Variants in GPR83 observed in about 807,000 individuals in gnomAD.
GPR83 encodes the protein G-protein coupled receptor 72.
Under a neutral mutation model 28.0 loss-of-function variants are expected in GPR83, and 23 were observed. The observed-to-expected ratio is 0.82, with a 90% confidence interval of 0.59 to 1.16. GPR83 has a LOEUF of 1.16. GPR83 is among the 50% of genes most tolerant of loss of function. The pLI is 0.00. For missense variants in GPR83, 610 were observed against 536.6 expected (o/e 1.14, Z -1.35); for synonymous variants, 234 against 215.4 (o/e 1.09, Z -0.76).
In GPR83 at chr11:94,393,465, T is replaced by C; in HGVS notation, c.647+20A>G. The C allele has an allele frequency of 6.2e-7, 1 of 1,613,256 alleles. No individual in the cohort carries two copies. Among genetic ancestry groups the C allele is most frequent in the Non-Finnish European group, 8.5e-7 (1 of 1,179,400 alleles). On this transcript the variant is annotated intron_variant, in intron 3 of 3. Transcript: ENST00000243673. The stretch of plus-strand genomic sequence containing the variant: ...GAGAAGACACAAGTCCCCAGGCAGA[T>C]CCCAACGAATTCATCTCACCTGTAT...
intron 2 of GPR83, among the ~76,000 whole-genome samples, chr11:94,394,815 C>A (rs1482644021): frequency 6.6e-6 from 1 of 152,172 alleles, no homozygotes; most frequent in Non-Finnish European, 1.5e-5. Context: ...CTCTGCTGGC[C>A]TTGGGACAGA....
At chr11:94,396,862 T>A (rs532132149) in intron 1 of GPR83, among the ~76,000 whole-genome samples, 2,649 of 134,318 alleles carry the variant, frequency 0.02, 88 homozygotes, top group African/African-American at 0.067. Flanking sequence ...ATCTGTTTCC[T>A]CATTTGCAAA....
chr11:94,387,673 G>A (rs1380543995), intron 3 of GPR83, among the ~76,000 whole-genome samples: 1 of 152,142 alleles, frequency 6.6e-6, no homozygotes, highest in East Asian at 1.9e-4. Flanking sequence ...CTCTGAAATG[G>A]AGGCAATAAT....
At chr11:94,384,980 G>A (rs1044176896) in intron 3 of GPR83, among the ~76,000 whole-genome samples, 2 of 152,162 alleles carry the variant, frequency 1.3e-5, no homozygotes, top group African/African-American at 4.8e-5. Flanking sequence ...ACATGGCCAG[G>A]TACTCCTCTG....
intron 2 of GPR83, 35 bp downstream of exon 2, chr11:94,396,364 G>C: frequency 1.2e-6 from 2 of 1,605,156 alleles, no homozygotes; most frequent in Non-Finnish European, 1.7e-6. Context: ...AAGCAAGAGA[G>C]GGAAGAGCAG....
chr11:94,380,120 C>T lies in GPR83; in HGVS notation c.*29G>A, dbSNP rs763150214. The T allele has an allele frequency of 6.7e-6, 10 of 1,492,948 alleles. No individual in the cohort carries two copies. The highest frequency in any genetic ancestry group is 2.3e-5 in the Admixed American group (1 of 42,940). The allele number at this position is 1,492,948 out of a possible 1,614,324, so 92.5% of individuals were successfully genotyped here. On this transcript the variant is annotated 3_prime_UTR_variant, in exon 4 of 4. Transcript: ENST00000243673. ...TTTCCCTGCCTCAGGTGGAGACAGA[C>T]CCCTCCCACTCCCTCTTCCCAACCT...
intron 3 of GPR83, among the ~76,000 whole-genome samples, chr11:94,382,947 G>T (rs1028581985): frequency 2.6e-5 from 4 of 151,952 alleles, no homozygotes; most frequent in African/African-American, 2.4e-5. Flanking sequence ...GGCGGATCAT[G>T]AGGTCAGGAG....
intron 3 of GPR83, among the ~76,000 whole-genome samples, chr11:94,391,801 A>G (rs1591606160): frequency 6.6e-6 from 1 of 152,224 alleles, no homozygotes; most frequent in African/African-American, 2.4e-5. Flanking sequence ...TAGAATGGCA[A>G]TCATTAAAAA....
intron 1 of GPR83, among the ~76,000 whole-genome samples, chr11:94,397,788 T>A (rs1944879659): frequency 6.6e-6 from 1 of 152,186 alleles, no homozygotes; most frequent in African/African-American, 2.4e-5. Context: ...CAAAAGGCAT[T>A]GGCACTGGAT....
At chr11:94,393,980 C>G (rs941001601) in intron 2 of GPR83, among the ~76,000 whole-genome samples, 2 of 152,070 alleles carry the variant, frequency 1.3e-5, no homozygotes, top group African/African-American at 4.8e-5. Flanking sequence ...ACTCAACAGC[C>G]CACCTCCAGA....
At chr11:94,386,348 A>C (rs1316975045) in intron 3 of GPR83, among the ~76,000 whole-genome samples, 1 of 152,182 alleles carries the variant, frequency 6.6e-6, no homozygotes, top group Non-Finnish European at 1.5e-5. Context: ...ACACATAATA[A>C]TATTAACCTT....
At chr11:94,396,642 G>C in intron 1 of GPR83, 118 bp from the exon 2 acceptor site, 1 of 948,830 alleles carries the variant, frequency 1.1e-6, no homozygotes, top group South Asian at 1.6e-5. Flanking sequence ...CCTTCTTTCT[G>C]TCTATGATAC....
intron 3 of GPR83, among the ~76,000 whole-genome samples, chr11:94,382,539 C>A (rs981987752): frequency 6.6e-6 from 1 of 152,052 alleles, no homozygotes; most frequent in Non-Finnish European, 1.5e-5. Flanking sequence ...AAAGTAAGTT[C>A]TCAGAGACCT....
At chr11:94,387,848 T>G (rs1299848122) in intron 3 of GPR83, among the ~76,000 whole-genome samples, 1 of 152,182 alleles carries the variant, frequency 6.6e-6, no homozygotes, top group African/African-American at 2.4e-5. Context: ...ATCGTCCTGA[T>G]ACCAAAGCCT....
intron 1 of GPR83, among the ~76,000 whole-genome samples, chr11:94,397,428 G>A (rs1232207166): frequency 1.3e-5 from 2 of 152,286 alleles, no homozygotes; most frequent in East Asian, 3.9e-4. Context: ...CTGATTAAAG[G>A]GCAATGGGGC....
At chr11:94,393,320 G>A (rs1478986793) in intron 3 of GPR83, among the ~76,000 whole-genome samples, 165 bp downstream of exon 3, 2 of 152,294 alleles carry the variant, frequency 1.3e-5, no homozygotes, top group South Asian at 2.1e-4. Flanking sequence ...GACAGGCATG[G>A]ACAAGGAGGT....
intron 3 of GPR83, among the ~76,000 whole-genome samples, chr11:94,384,764 C>T (rs1434314608): frequency 1.3e-5 from 2 of 152,220 alleles, no homozygotes; most frequent in Admixed American, 6.5e-5. Flanking sequence ...GTAGACTCCA[C>T]CTCTGGGGAC....
intron 1 of GPR83, among the ~76,000 whole-genome samples, chr11:94,396,818 G>T (rs1325478288): frequency 6.6e-6 from 1 of 150,834 alleles, no homozygotes; most frequent in Non-Finnish European, 1.5e-5. Context: ...GTTTCTTACT[G>T]TGAGGGCTTG....
chr11:94,400,224 C>T (rs927730511), intron 1 of GPR83, among the ~76,000 whole-genome samples: 2 of 152,116 alleles, frequency 1.3e-5, no homozygotes, highest in African/African-American at 4.8e-5. Flanking sequence ...ATTTCAGGGG[C>T]ATTGATTTAC....
Sources: gnomAD v4.1 joint callset for allele counts (sites outside exome capture counted in the v4.1 genomes callset) on GRCh38, gnomAD v4.1.1 for gene constraint, MANE v1.5 for transcripts, NCBI Gene and HGNC (gene_info 2026-07-23, HGNC 2026-07-21) for gene names.